The following SMARCAL1 variants were observed in gnomAD, a reference collection of about 807,000 sequenced individuals.
SMARCAL1 encodes SNF2 related chromatin remodeling annealing helicase 1, also known as ATP-driven annealing helicase.
In SMARCAL1, 58 loss-of-function variants were observed where a neutral mutation model predicts 94.5. The observed-to-expected ratio is 0.61, with a 90% CI of 0.50 to 0.76. The LOEUF is 0.76. Among genes scored for constraint, SMARCAL1 ranks in the 30% least tolerant of loss-of-function variants. SMARCAL1 has a pLI of 0.00. For missense variants in SMARCAL1, 1,051 were observed against 1,177.9 expected (o/e 0.89, Z 1.58); for synonymous variants, 422 against 455.1 (o/e 0.93, Z 0.93).
chr2:216,462,872 C>A (rs1296359603), intron 12 of SMARCAL1, among the ~76,000 whole-genome samples: 1 of 151,908 alleles, frequency 6.6e-6, no homozygotes, highest in Non-Finnish European at 1.5e-5. Flanking sequence ...TACCTTTAGT[C>A]CCAGTTACTT....
intron 14 of SMARCAL1, among the ~76,000 whole-genome samples, chr2:216,471,234 A>G (rs963983707): frequency 6.6e-6 from 1 of 152,262 alleles, no homozygotes; most frequent in Non-Finnish European, 1.5e-5. Flanking sequence ...CCAATGAACA[A>G]TAGCTGATCA....
chr2:216,456,523 A>C (rs1694572579), intron 12 of SMARCAL1, among the ~76,000 whole-genome samples: 1 of 146,352 alleles, frequency 6.8e-6, no homozygotes, highest in South Asian at 2.3e-4. Context: ...AAGCCAGAAG[A>C]GAGTGGGGGC....
chr2:216,478,518 G>A (rs535323124), intron 17 of SMARCAL1, among the ~76,000 whole-genome samples: 3 of 152,164 alleles, frequency 2.0e-5, no homozygotes, highest in East Asian at 3.9e-4. Flanking sequence ...TGACATTCCC[G>A]CACAGGCTCT....
Position 216,477,210 on chromosome 2 carries a change from G to T in SMARCAL1, c.2528+1G>T. 6.3e-7 allele frequency: 1 copy of T among 1,580,584 alleles called. No individual in the cohort carries two copies. On this transcript the variant is annotated splice_donor_variant, in intron 16 of 17. Coordinates refer to ENST00000357276, the MANE Select transcript of SMARCAL1 (RefSeq NM_014140.4). LOFTEE classifies it high-confidence loss of function. ...AGGGCACAGCTGATGACTACCTTTG[G>T]TATGGCTTGGTTGGGTGGCCTGGCA... is the stretch of plus-strand genomic sequence containing the variant.
chr2:216,449,893 A>G (rs920566127), intron 11 of SMARCAL1, among the ~76,000 whole-genome samples: 25 of 151,634 alleles, frequency 1.6e-4, no homozygotes, highest in Non-Finnish European at 3.1e-4. Flanking sequence ...GTTGGAGTGC[A>G]GTGACACCAT....
In SMARCAL1 at chr2:216,423,629, GC is replaced by G; in HGVS notation, c.1097-3del. The G allele has an allele frequency of 6.2e-7, 1 of 1,612,368 alleles. No individual in the cohort carries two copies. The highest frequency in any genetic ancestry group is 8.5e-7 in the Non-Finnish European group (1 of 1,178,430). ...ATTTGCTTATTTATTTCTTGTCATT[GC>G]AGATGTCAAGACCAGGAAGTGGAGC... On this transcript the variant is annotated splice_region_variant and splice_polypyrimidine_tract_variant and intron_variant, in intron 5 of 17. Transcript: ENST00000357276.
At chr2:216,437,631 T>A (rs1371170122) in intron 9 of SMARCAL1, among the ~76,000 whole-genome samples, 1 of 152,128 alleles carries the variant, frequency 6.6e-6, no homozygotes, top group Non-Finnish European at 1.5e-5. Context: ...AGGTGGTTGC[T>A]CAGAGTCACA....
At chr2:216,466,893 T>A (rs932066572) in intron 13 of SMARCAL1, among the ~76,000 whole-genome samples, 1 of 152,208 alleles carries the variant, frequency 6.6e-6, no homozygotes, top group African/African-American at 2.4e-5. Context: ...TTGAAATGAC[T>A]CTTGGATGTT....
intron 3 of SMARCAL1, 144 bp from the exon 4 acceptor site, chr2:216,416,113 A>G: frequency 1.3e-6 from 1 of 740,816 alleles, no homozygotes; most frequent in South Asian, 1.4e-5. Context: ...TTTGTCCTCT[A>G]CAGAGATTTT....
At chr2:216,430,779 T>A (rs1263195366) in intron 7 of SMARCAL1, among the ~76,000 whole-genome samples, 2 of 152,212 alleles carry the variant, frequency 1.3e-5, no homozygotes, top group Non-Finnish European at 2.9e-5. Context: ...TCAAAGGGCG[T>A]GGGGCTCTCC....
At chr2:216,431,722 C>T (rs115120801) in intron 7 of SMARCAL1, among the ~76,000 whole-genome samples, 1 of 152,124 alleles carries the variant, frequency 6.6e-6, no homozygotes, top group Non-Finnish European at 1.5e-5. Flanking sequence ...GGACTCCAAC[C>T]CCAGCCAATC....
intron 8 of SMARCAL1, among the ~76,000 whole-genome samples, chr2:216,433,838 A>T (rs1421589738): frequency 6.6e-6 from 1 of 151,794 alleles, no homozygotes; most frequent in Non-Finnish European, 1.5e-5. Context: ...TGAGGCCTCC[A>T]TGAGCCATTC....
intron 14 of SMARCAL1, among the ~76,000 whole-genome samples, chr2:216,470,086 A>G (rs1694927765): frequency 6.6e-6 from 1 of 150,912 alleles, no homozygotes; most frequent in African/African-American, 2.4e-5. Context: ...TTTTTTTCTT[A>G]CTGATTTAGG....
At chr2:216,415,878 A>AC in intron 3 of SMARCAL1, 2 of 391,550 alleles carry the variant, frequency 5.1e-6, no homozygotes, top group Admixed American at 4.0e-5. Flanking sequence ...ATTAAGTGAC[A>AC]GGCCCAGTTT....
intron 7 of SMARCAL1, among the ~76,000 whole-genome samples, chr2:216,430,886 C>T (rs1352772353): frequency 6.6e-6 from 1 of 152,224 alleles, no homozygotes; most frequent in Non-Finnish European, 1.5e-5. Context: ...CACCTGCCCT[C>T]CCCCCATCTG....
intron 4 of SMARCAL1, among the ~76,000 whole-genome samples, chr2:216,420,046 A>AG: frequency 1.3e-5 from 2 of 148,584 alleles, no homozygotes; most frequent in East Asian, 2.0e-4. Context: ...AAAAAAAAAA[A>AG]AGAAAAAAAA....
chr2:216,428,123 T>C (rs1693878585), intron 6 of SMARCAL1, among the ~76,000 whole-genome samples: 2 of 152,166 alleles, frequency 1.3e-5, no homozygotes, highest in Non-Finnish European at 2.9e-5. Context: ...AAGAACATCC[T>C]GAAAGTGATA....
rs779819662 is a variant in SMARCAL1 at position 216,414,685 on chromosome 2, A to G, written c.-20A>G. On this transcript the variant is annotated 5_prime_UTR_variant, in exon 3 of 18. Transcript: ENST00000357276. Reference sequence around the variant, plus strand: ...TCCAATTAAAGGTTGACATTCCTGCATAAGCATTTCTCTGTGAAAATGTCC... The same window carrying G: ...TCCAATTAAAGGTTGACATTCCTGCGTAAGCATTTCTCTGTGAAAATGTCC... 9 of 1,608,892 alleles carry G rather than the reference A, an allele frequency of 5.6e-6. No homozygotes were observed. Among genetic ancestry groups the G allele is most frequent in the African/African-American group, 2.7e-5 (2 of 74,976 alleles).
chr2:216,456,427 G>A (rs1234211811), intron 12 of SMARCAL1, among the ~76,000 whole-genome samples: 1 of 152,208 alleles, frequency 6.6e-6, no homozygotes, highest in East Asian at 1.9e-4. Context: ...AGGAAAAAAT[G>A]TTAAAGGCAG....
Sources: gnomAD v4.1 joint callset for allele counts (sites outside exome capture counted in the v4.1 genomes callset) on GRCh38, gnomAD v4.1.1 for gene constraint, MANE v1.5 for transcripts, NCBI Gene and HGNC (gene_info 2026-07-23, HGNC 2026-07-21) for gene names.